TNS3: variants seen among roughly 807,000 people sequenced by gnomAD.
The protein encoded by TNS3 is tensin 3.
TNS3 carries 45 observed loss-of-function variants against 140.9 expected under a neutral mutation model. That is an observed-to-expected ratio of 0.32 (90% CI 0.25 to 0.41). The LOEUF (loss-of-function observed/expected upper bound fraction) is 0.41. Among genes scored for constraint, TNS3 ranks in the 10% least tolerant of loss-of-function variants. The probability of loss-of-function intolerance (pLI) is 1.00; values close to 1 mark genes in which losing one functional copy is unlikely to be tolerated. For missense variants in TNS3, 1,716 were observed against 1,906.7 expected, an observed-to-expected ratio of 0.90 and a Z score of 1.86; for synonymous variants, 815 against 788.4, an observed-to-expected ratio of 1.03 and a Z score of -0.56.
chr7:47,343,027 T>C (rs1369745604), intron 20 of TNS3, among the ~76,000 whole-genome samples: 5 of 152,240 alleles, frequency 3.3e-5, no homozygotes, highest in Non-Finnish European at 7.3e-5. Context: ...CACATTAATA[T>C]TGTTATCATG....
chr7:47,521,278 G>A (rs555943055), intron 2 of TNS3, among the ~76,000 whole-genome samples: 1 of 152,232 alleles, frequency 6.6e-6, no homozygotes, highest in Admixed American at 6.5e-5. Context: ...CTCCTCACAC[G>A]GGATCCTGTT....
At chr7:47,476,877 C>T (rs145944502) in intron 4 of TNS3, among the ~76,000 whole-genome samples, 16 of 152,272 alleles carry the variant, frequency 1.1e-4, no homozygotes, top group Non-Finnish European at 2.2e-4. Context: ...ATACTATGTG[C>T]CGATTTTGAG....
intron 20 of TNS3, among the ~76,000 whole-genome samples, chr7:47,342,719 G>T (rs1789089907): frequency 6.6e-6 from 1 of 152,212 alleles, no homozygotes; most frequent in Non-Finnish European, 1.5e-5. Context: ...CCTGTAAAAT[G>T]GGGGTAACAG....
chr7:47,463,696 T>C (rs145761563), intron 4 of TNS3, among the ~76,000 whole-genome samples: 2 of 152,064 alleles, frequency 1.3e-5, no homozygotes, highest in African/African-American at 4.8e-5. Flanking sequence ...GCAGTATGAG[T>C]TGAAACAAGG....
At chr7:47,379,997 C>T (rs1193856778) in intron 16 of TNS3, among the ~76,000 whole-genome samples, 1 of 152,222 alleles carries the variant, frequency 6.6e-6, no homozygotes, top group African/African-American at 2.4e-5. Context: ...AAACGCCTGC[C>T]CAGCCACACA....
intron 4 of TNS3, among the ~76,000 whole-genome samples, chr7:47,451,178 C>T (rs1795996307): frequency 6.6e-6 from 1 of 152,130 alleles, no homozygotes; most frequent in African/African-American, 2.4e-5. Flanking sequence ...CCAGCAAGGC[C>T]TAAGCCTGCA....
At position 47,344,216 on chromosome 7, in the gene TNS3, C is replaced by T. The variant is rs142969325; in HGVS notation, c.2650+539G>A. On this transcript the variant is annotated intron_variant, in intron 20 of 30. Transcript: ENST00000311160. ...GTGCACAGTAACTCGCCCTAAACAC[C>T]GCCCACTAACACTCTCTCGCCTGAG... Among the ~76,000 whole-genome samples the T allele has an allele frequency of 9.0e-4, 137 of 152,264 alleles. No individual in the cohort carries two copies. The East Asian group carries it at 0.019, about 21-fold the overall frequency.
intron 3 of TNS3, among the ~76,000 whole-genome samples, chr7:47,485,589 G>C (rs185516217): frequency 6.6e-6 from 1 of 152,262 alleles, no homozygotes; most frequent in Non-Finnish European, 1.5e-5. Flanking sequence ...CAGAAGGCTG[G>C]AGAGAAGGCA....
intron 20 of TNS3, among the ~76,000 whole-genome samples, chr7:47,308,124 A>G (rs1199717563): frequency 6.6e-6 from 1 of 152,222 alleles, no homozygotes; most frequent in Non-Finnish European, 1.5e-5. Context: ...ATTTTTACAC[A>G]TGGTGTGAGG....
At chr7:47,474,837 CACACCTCACACACAAA>C (rs1797121210) in intron 4 of TNS3, among the ~76,000 whole-genome samples, 3 of 146,516 alleles carry the variant, frequency 2.0e-5, no homozygotes, top group Non-Finnish European at 4.5e-5. Flanking sequence ...ACACGACAGA[CACACCTCACACACAAA>C]ACACCTCACA....
intron 3 of TNS3, among the ~76,000 whole-genome samples, chr7:47,506,474 CG>C (rs1156323485): frequency 1.3e-5 from 2 of 151,944 alleles, no homozygotes; most frequent in African/African-American, 4.8e-5. Flanking sequence ...CCCAGGTTTC[CG>C]TGGCAGCTGA....
chr7:47,481,115 G>C lies in TNS3; in HGVS notation c.-88C>G, dbSNP rs1797398919. On this transcript the variant is annotated 5_prime_UTR_variant, in exon 4 of 31. Transcript: ENST00000311160. ...GCAAAGGGCTTACCTGTTCCAGTCG[G>C]ACTTGCACACCGCAGGGAATCACCA... is the stretch of plus-strand genomic sequence containing the variant. 7.8e-7 allele frequency: 1 copy of C among 1,289,678 alleles called. No individual in the cohort carries two copies. The highest frequency in any genetic ancestry group is 1.0e-6 in the Non-Finnish European group (1 of 988,892). 79.9% of individuals were successfully genotyped at this position (1,289,678 alleles called of 1,614,324 possible).
At chr7:47,509,079 G>T (rs1415452466) in intron 2 of TNS3, among the ~76,000 whole-genome samples, 1 of 152,202 alleles carries the variant, frequency 6.6e-6, no homozygotes, top group African/African-American at 2.4e-5. Context: ...TACTAACTTT[G>T]GGGATCATTT....
intron 1 of TNS3, among the ~76,000 whole-genome samples, chr7:47,566,908 GGTGTGTGCCTATA>G (rs1321655147): frequency 6.6e-6 from 1 of 151,848 alleles, no homozygotes; most frequent in Non-Finnish European, 1.5e-5. Context: ...GGACGTGGTG[GGTGTGTGCCTATA>G]GTCCCAGCTA....
At chr7:47,479,859 T>C (rs561693370) in intron 4 of TNS3, among the ~76,000 whole-genome samples, 8 of 152,062 alleles carry the variant, frequency 5.3e-5, no homozygotes, top group African/African-American at 1.2e-4. Flanking sequence ...TCTATGGCCA[T>C]TGCATAAAGG....
intron 13 of TNS3, among the ~76,000 whole-genome samples, chr7:47,404,059 CT>C (rs1296056548): frequency 6.6e-6 from 1 of 152,202 alleles, no homozygotes; most frequent in Non-Finnish European, 1.5e-5. Flanking sequence ...TATGTTGATC[CT>C]TTGCCTTCAG....
At chr7:47,380,398 C>G (rs3801085) in intron 16 of TNS3, among the ~76,000 whole-genome samples, 5 of 152,228 alleles carry the variant, frequency 3.3e-5, no homozygotes, top group Non-Finnish European at 4.4e-5. Context: ...AGGCCACCCA[C>G]GCCGGCTGGC....
chr7:47,578,910 T>C (rs1250346324), intron 1 of TNS3, among the ~76,000 whole-genome samples: 1 of 152,156 alleles, frequency 6.6e-6, no homozygotes, highest in African/African-American at 2.4e-5. Context: ...GCCCTCAATC[T>C]AGGAGAATTT....
chr7:47,535,388 G>A (rs1799563555), intron 1 of TNS3, among the ~76,000 whole-genome samples: 1 of 151,370 alleles, frequency 6.6e-6, no homozygotes, highest in Non-Finnish European at 1.5e-5. Context: ...TCAGCCATTT[G>A]AATTGCTGGA....
Sources: gnomAD v4.1 joint callset for allele counts (sites outside exome capture counted in the v4.1 genomes callset) on GRCh38, gnomAD v4.1.1 for gene constraint, MANE v1.5 for transcripts, NCBI Gene and HGNC (gene_info 2026-07-23, HGNC 2026-07-21) for gene names.